Variants in THAP4 observed in about 807,000 individuals in gnomAD.
THAP4 encodes THAP domain containing 4.
THAP4 carries 18 observed loss-of-function variants against 48.1 expected under a neutral mutation model. The ratio of observed to expected loss-of-function variants is 0.37; its 90% confidence interval spans 0.26 to 0.56. THAP4 has a LOEUF of 0.56. Among genes scored for constraint, THAP4 ranks in the 20% least tolerant of loss-of-function variants. The pLI is 0.78. For missense variants in THAP4, 656 were observed against 774.9 expected, an observed-to-expected ratio of 0.85 and a Z score of 1.82; for synonymous variants, 345 against 324.9, an observed-to-expected ratio of 1.06 and a Z score of -0.66.
chr2:241,624,564 G>A (rs2067473356), intron 2 of THAP4, among the ~76,000 whole-genome samples: 3 of 152,056 alleles, frequency 2.0e-5, no homozygotes, highest in South Asian at 4.1e-4. Flanking sequence ...GGCAAGGGGC[G>A]TCTGTCCCTG....
intron 3 of THAP4, among the ~76,000 whole-genome samples, chr2:241,605,411 TA>T (rs1163400573): frequency 6.6e-6 from 1 of 152,136 alleles, no homozygotes; most frequent in Non-Finnish European, 1.5e-5. Flanking sequence ...GTTTAAACTT[TA>T]AAAAAACTGT....
chr2:241,609,877 G>C (rs2067241947), intron 2 of THAP4, among the ~76,000 whole-genome samples: 1 of 152,212 alleles, frequency 6.6e-6, no homozygotes, highest in African/African-American at 2.4e-5. Flanking sequence ...CGACTGCCAC[G>C]GGGCTCTGGC....
At chr2:241,614,025 G>T (rs536461184) in intron 2 of THAP4, among the ~76,000 whole-genome samples, 1 of 151,968 alleles carries the variant, frequency 6.6e-6, no homozygotes, top group Non-Finnish European at 1.5e-5. Flanking sequence ...ATGGTGGTGC[G>T]TGTCTGTAGC....
chr2:241,597,592 A>G (rs771849046), intron 5 of THAP4, among the ~76,000 whole-genome samples: 13 of 152,204 alleles, frequency 8.5e-5, no homozygotes. Context: ...AATAACAGGG[A>G]CAGCTCCTTT....
chr2:241,594,572 A>AAAAAC (rs759349035), intron 5 of THAP4: 22 of 353,358 alleles, frequency 6.2e-5, no homozygotes, highest in South Asian at 4.0e-4. Flanking sequence ...TAAAAATACA[A>AAAAAC]AAAACAAAAC....
chr2:241,626,214 G>A (rs1040359931), intron 2 of THAP4, among the ~76,000 whole-genome samples: 17 of 151,936 alleles, frequency 1.1e-4, no homozygotes, highest in Non-Finnish European at 2.1e-4. Context: ...AGGCTGAGGC[G>A]GGCAGATCAT....
chr2:241,619,260 A>C (rs1384715983), intron 2 of THAP4, among the ~76,000 whole-genome samples: 2 of 152,232 alleles, frequency 1.3e-5, no homozygotes, highest in Non-Finnish European at 2.9e-5. Context: ...CTGCAGGATT[A>C]AACACAGCCC....
intron 5 of THAP4, among the ~76,000 whole-genome samples, chr2:241,597,634 T>C (rs2067065462): frequency 6.6e-6 from 1 of 152,204 alleles, no homozygotes; most frequent in Admixed American, 6.5e-5. Flanking sequence ...GGACTGGCCC[T>C]CCAAGACCCA....
Position 241,611,307 on chromosome 2 carries a change from GCACCCCACGCGTCTGCCCAGGA to G in THAP4, c.1241-4856_1241-4835del, listed in dbSNP as rs1169126505. Among the ~76,000 whole-genome samples, 7 of 152,106 alleles carry G rather than the reference GCACCCCACGCGTCTGCCCAGGA, an allele frequency of 4.6e-5. No individual in the cohort carries two copies. The East Asian group carries it at 7.7e-4, about 17-fold the overall frequency. On this transcript the variant is annotated intron_variant, in intron 2 of 5. Transcript: ENST00000407315. ...AGCTCCTGCAAACAGCAGGCCCAGGGCACCCCACGCGTCTGCCCAGGACACCCCAGGTGTTCGCCCAGGTGCT... is the reference window on the plus strand; with the variant it reads ...AGCTCCTGCAAACAGCAGGCCCAGGGCACCCCAGGTGTTCGCCCAGGTGCT...
chr2:241,629,363 C>T lies in THAP4; in HGVS notation c.1240+3554G>A, dbSNP rs557446688. On this transcript the variant is annotated intron_variant, in intron 2 of 5. Transcript: ENST00000407315. ...GTATGTGCCTGTAGTCCCAGCTACT[C>T]GAGAGGCTGAGGTGGGAGGATGGCT... Among the ~76,000 whole-genome samples the T allele has an allele frequency of 4.0e-5, 6 of 151,610 alleles. No individual in the cohort carries two copies. The South Asian group carries it at 1.0e-3, about 26-fold the overall frequency.
At chr2:241,631,037 AAC>A (rs1315302470) in intron 2 of THAP4, among the ~76,000 whole-genome samples, 1 of 152,160 alleles carries the variant, frequency 6.6e-6, no homozygotes, top group Non-Finnish European at 1.5e-5. Flanking sequence ...CAACCTCGGC[AAC>A]AGAGTGAGAT....
rs909238550 is a variant in THAP4, at chr2:241,616,251, A to G, written c.1241-9778T>C. 5.3e-5 allele frequency among the ~76,000 whole-genome samples: 8 copies of G among 152,104 alleles called. No individual in the cohort carries two copies. The highest frequency in any genetic ancestry group is 1.2e-4 in the Non-Finnish European group (8 of 68,020). ...CAAGGGAGATGGAAATGAGAGTGAGATAAGAGGGATGGGTGGGCTGGAGAT... is the reference window on the plus strand; with the variant it reads ...CAAGGGAGATGGAAATGAGAGTGAGGTAAGAGGGATGGGTGGGCTGGAGAT... On this transcript the variant is annotated intron_variant, in intron 2 of 5. Coordinates refer to ENST00000407315, the MANE Select transcript of THAP4 (RefSeq NM_015963.6). The surrounding 1 kb of genome is among the most constrained non-coding windows in gnomAD (Gnocchi z 4.6).
At chr2:241,625,797 C>CAAAAAAAAAAAAAAA (rs147602587) in intron 2 of THAP4, among the ~76,000 whole-genome samples, 3 of 50,164 alleles carry the variant, frequency 6.0e-5, no homozygotes, top group Non-Finnish European at 3.2e-5. Flanking sequence ...GACTCCGTCT[C>CAAAAAAAAAAAAAAA]AAAAAAAAAA....
chr2:241,590,639 G>A (rs2066955832), intron 5 of THAP4, among the ~76,000 whole-genome samples: 1 of 151,844 alleles, frequency 6.6e-6, no homozygotes, highest in Non-Finnish European at 1.5e-5. Context: ...ACGCAGAGCT[G>A]CCCGGCTGAC....
chr2:241,600,841 G>A (rs987285806), intron 5 of THAP4, among the ~76,000 whole-genome samples: 1 of 152,056 alleles, frequency 6.6e-6, no homozygotes, highest in African/African-American at 2.4e-5. Context: ...ACAGCCCAGA[G>A]GCAACAACAG....
chr2:241,621,850 CAA>C (rs992699466), intron 2 of THAP4, among the ~76,000 whole-genome samples: 3 of 150,758 alleles, frequency 2.0e-5, no homozygotes, highest in African/African-American at 7.3e-5. Context: ...TGCAGAAAAC[CAA>C]AGACTAAGAG....
At chr2:241,620,349 G>A (rs1204391889) in intron 2 of THAP4, among the ~76,000 whole-genome samples, 2 of 125,348 alleles carry the variant, frequency 1.6e-5, no homozygotes, top group African/African-American at 6.3e-5. Context: ...GTGAGTGAGG[G>A]GTGAGTGAGT....
At chr2:241,617,354 T>A in intron 2 of THAP4, 1 of 1,288,388 alleles carries the variant, frequency 7.8e-7, no homozygotes. Flanking sequence ...AAATTTAAAT[T>A]TCCTGCAAGA....
At chr2:241,628,740 AAAAAAAACAAAAAACAAAAAAAAC>A (rs1373328156) in intron 2 of THAP4, among the ~76,000 whole-genome samples, 1 of 150,896 alleles carries the variant, frequency 6.6e-6, no homozygotes, top group Admixed American at 6.6e-5. Context: ...TCTCTACAAA[AAAAAAAACAAAAAACAAAAAAAAC>A]AAAAAAACAA....
Sources: allele counts gnomAD v4.1 joint callset (sites outside exome capture counted in the v4.1 genomes callset), GRCh38; gene constraint gnomAD v4.1.1; non-coding constraint Gnocchi (gnomAD v3.1); transcripts MANE v1.5; gene names NCBI Gene and HGNC (gene_info 2026-07-23, HGNC 2026-07-21).